Variants in TOR1A observed in about 807,000 individuals in gnomAD.
TOR1A encodes torsin family 1 member A, also known as torsin-1A.
A neutral mutation model predicts 31.4 loss-of-function variants in TOR1A; 18 were observed. The ratio of observed to expected loss-of-function variants is 0.57; its 90% CI spans 0.40 to 0.85. TOR1A has a LOEUF of 0.85. Among genes scored for constraint, TOR1A ranks in the 40% least tolerant of loss-of-function variants. The probability of loss-of-function intolerance (pLI) is 0.00; values close to 1 mark genes in which losing one functional copy is unlikely to be tolerated. For synonymous variants in TOR1A, 168 were observed against 165.9 expected, an observed-to-expected ratio of 1.01 and a Z score of -0.10; for missense variants, 375 against 416.4, an observed-to-expected ratio of 0.90 and a Z score of 0.87.
chr9:129,823,913 C>T lies in TOR1A; in HGVS notation c.173G>A (p.Arg58Gln). 1 of 1,589,912 alleles carries T rather than the reference C, an allele frequency of 6.3e-7. No homozygotes were observed. Among genetic ancestry groups the T allele is most frequent in the Non-Finnish European group, 8.5e-7 (1 of 1,169,622 alleles). Residue 58 changes from arginine to glutamine, a missense_variant, in exon 1 of 5, where the codon CGG becomes CAG. Physicochemically the swap from Arg to Gln is conservative, Grantham distance 43. Coordinates refer to ENST00000351698, the MANE Select transcript of TOR1A (RefSeq NM_000113.3). ...CAGCCCCCGCCCCAGCCTACCCTCC[C>T]GGCTAAGGCTCCGCTTCTGCCCGCA... ...ECCGQKRSLSREALQKDLDDN... is the reference protein window; with the variant it reads ...ECCGQKRSLSQEALQKDLDDN...
intron 4 of TOR1A, chr9:129,818,177 C>T: frequency 2.6e-6 from 1 of 379,756 alleles, no homozygotes; most frequent in South Asian, 2.1e-5. Flanking sequence ...ATGGTGTGCA[C>T]CTGTAATCCC....
chr9:129,822,498 T>C (rs533476492), intron 2 of TOR1A, 83 bp downstream of exon 2: 27 of 1,576,718 alleles, frequency 1.7e-5, no homozygotes, highest in Middle Eastern at 1.7e-4. Flanking sequence ...CATTTCAACA[T>C]AGAACTCCCA....
At chr9:129,823,324 G>A in intron 1 of TOR1A, 1 of 292,368 alleles carries the variant, frequency 3.4e-6, no homozygotes, top group Non-Finnish European at 6.7e-6. Context: ...TGGCTCCTCA[G>A]GTCTCCGACT....
intron 1 of TOR1A, chr9:129,823,274 T>TCCACC (rs1378752226): frequency 9.3e-6 from 3 of 323,056 alleles, no homozygotes; most frequent in Non-Finnish European, 1.8e-5. Flanking sequence ...TTACCACTGG[T>TCCACC]CCACCCCCAG....
In TOR1A at chr9:129,813,834, A is replaced by T; in HGVS notation, c.*138T>A. 2 of 1,343,676 alleles carry T rather than the reference A, an allele frequency of 1.5e-6. No individual in the cohort carries two copies. The highest frequency in any genetic ancestry group is 1.2e-5 in the South Asian group (1 of 82,724). The allele number at this position is 1,343,676 out of a possible 1,614,324, so 83.2% of individuals were successfully genotyped here. A position where few individuals can be genotyped will look rare whatever the true frequency, so the allele number is the denominator to read the frequency against. On this transcript the variant is annotated 3_prime_UTR_variant, in exon 5 of 5. Transcript: ENST00000351698. ...CCAGGGGGTGGAAACAATGCCAGGG[A>T]GAATTCCTGTCACATCAAACAGGAA...
At position 129,818,617 on chromosome 9, in the gene TOR1A, C is replaced by T; in HGVS notation, c.651G>A (p.Val217=). Residue 217 remains valine, a synonymous_variant, in exon 4 of 5, where the codon GTG becomes GTA. Coordinates refer to ENST00000351698, the MANE Select transcript of TOR1A (RefSeq NM_000113.3). ...TTCCACTCCTCCAGAAATCCAAAGC[C>T]ACATCTGTGATCCTTTCTGCTCCAG... is the stretch of plus-strand genomic sequence containing the variant. ...SNAGAERITD[V]ALDFWRSGKQ... 1 of 1,614,230 alleles carries T rather than the reference C, an allele frequency of 6.2e-7. No individual in the cohort carries two copies. The highest frequency in any genetic ancestry group is 8.5e-7 in the Non-Finnish European group (1 of 1,180,038).
chr9:129,813,489 G>A lies in TOR1A; in HGVS notation c.*483C>T, dbSNP rs1345418263. Reference sequence around the variant, plus strand: ...CCTGTGGAACAAATGCCATGCATGTGTGCTTGGGCTCATTTCCAGTAAAGA... The same window carrying A: ...CCTGTGGAACAAATGCCATGCATGTATGCTTGGGCTCATTTCCAGTAAAGA... On this transcript the variant is annotated 3_prime_UTR_variant, in exon 5 of 5. Transcript: ENST00000351698. The A allele has an allele frequency of 3.8e-6, 1 of 263,438 alleles. No homozygotes were observed. The highest frequency in any genetic ancestry group is 2.3e-5 in the African/African-American group (1 of 43,648). The allele number at this position is 263,438 out of a possible 1,614,324, so 16.3% of individuals were successfully genotyped here. A position where few individuals can be genotyped will look rare whatever the true frequency, so the allele number is the denominator to read the frequency against.
Position 129,823,900 on chromosome 9 carries a change from CAG to C in TOR1A, c.178+6_178+7del. ...CAGCCCCAGCCTCCAGCCCCCGCCC[CAG>C]CCTACCCTCCCGGCTAAGGCTCCGC... On this transcript the variant is annotated splice_donor_region_variant and intron_variant, in intron 1 of 4. Coordinates refer to ENST00000351698, the MANE Select transcript of TOR1A (RefSeq NM_000113.3). The C allele has an allele frequency of 1.9e-6, 3 of 1,568,712 alleles. No homozygotes were observed. Among genetic ancestry groups the C allele is most frequent in the Non-Finnish European group, 2.6e-6 (3 of 1,158,442 alleles).
At chr9:129,822,469 AC>A (rs1260417187) in intron 2 of TOR1A, 111 bp downstream of exon 2, 1 of 1,433,018 alleles carries the variant, frequency 7.0e-7, no homozygotes, top group Non-Finnish European at 9.7e-7. Flanking sequence ...TGAGACATGA[AC>A]CGTTTTCCGG....
At position 129,818,393 on chromosome 9, in the gene TOR1A, G is replaced by A. The variant is rs764345394; in HGVS notation, c.748+127C>T. Reference sequence around the variant, plus strand: ...AAAGATTCCCCTCATGACTCGGAAGGGGACTGAGAATCTGCATTTCTTTCT... The same window carrying A: ...AAAGATTCCCCTCATGACTCGGAAGAGGACTGAGAATCTGCATTTCTTTCT... On this transcript the variant is annotated intron_variant, in intron 4 of 4. Coordinates refer to ENST00000351698, the MANE Select transcript of TOR1A (RefSeq NM_000113.3). 5.6e-6 allele frequency: 8 copies of A among 1,435,120 alleles called. No homozygotes were observed. The Admixed American group carries it at 1.3e-4, about 24-fold the overall frequency. 88.9% of individuals were successfully genotyped at this position (1,435,120 alleles called of 1,614,324 possible).
intron 4 of TOR1A, among the ~76,000 whole-genome samples, chr9:129,817,701 A>G (rs2031074287): frequency 6.8e-6 from 1 of 147,568 alleles, no homozygotes; most frequent in Non-Finnish European, 1.5e-5. Context: ...TCCATCTCAA[A>G]AAAAAAAAAA....
chr9:129,824,031 G>A lies in TOR1A; in HGVS notation c.55C>T (p.Gln19Ter), dbSNP rs1326415278. ...CCCAGGCTGATGGGCTCCACCGCCTGCACCACGGACGGCGCCAGCAGCAGC... is the reference window on the plus strand; with the variant it reads ...CCCAGGCTGATGGGCTCCACCGCCTACACCACGGACGGCGCCAGCAGCAGC... ...GLLLLAPSVV[Q>*]AVEPISLGLA... Residue 19 changes from glutamine to a stop codon, truncating the protein, a stop_gained, in exon 1 of 5, where the codon CAG becomes TAG. Transcript: ENST00000351698. LOFTEE classifies it high-confidence loss of function. The A allele has an allele frequency of 6.2e-7, 1 of 1,607,886 alleles. No homozygotes were observed. The highest frequency in any genetic ancestry group is 2.2e-5 in the East Asian group (1 of 44,700).
chr9:129,819,978 T>TA (rs1012886310), intron 2 of TOR1A, among the ~76,000 whole-genome samples: 12 of 148,910 alleles, frequency 8.1e-5, no homozygotes, highest in African/African-American at 3.0e-4. Context: ...TAAAATAAAA[T>TA]AAATAAATAA....
chr9:129,821,284 C>CA (rs536143898), intron 2 of TOR1A: 165 of 152,272 alleles, frequency 1.1e-3, no homozygotes, highest in African/African-American at 3.3e-3. Context: ...TACTGCACTC[C>CA]AGCCTGGGTG....
chr9:129,822,458 C>T, intron 2 of TOR1A, 123 bp downstream of exon 2: 2 of 1,344,022 alleles, frequency 1.5e-6, no homozygotes, highest in South Asian at 1.2e-5. Context: ...CCAAGGGGAA[C>T]TGAGACATGA....
chr9:129,815,900 C>T (rs1036913663), intron 4 of TOR1A, among the ~76,000 whole-genome samples: 2 of 152,112 alleles, frequency 1.3e-5, no homozygotes, highest in African/African-American at 2.4e-5. Flanking sequence ...CCACCCCCAC[C>T]GCTTCCACGC....
rs1199638969 is a variant in TOR1A at position 129,823,999 on chromosome 9, G to A, written c.87C>T (p.Ala29=). The A allele has an allele frequency of 6.2e-7, 1 of 1,611,108 alleles. No individual in the cohort carries two copies. The highest frequency in any genetic ancestry group is 1.7e-4 in the Middle Eastern group (1 of 5,942). The change falls in exon 1 of 5, where the codon GCC becomes GCT. Residue 29 remains alanine, a synonymous_variant. Transcript: ENST00000351698. ...QAVEPISLGL[A]LAGVLTGYIY... is the part of the protein sequence containing the mutation. ...TGTAGCCGGTGAGGACGCCGGCCAG[G>A]GCCAGTCCCAGGCTGATGGGCTCCA...
At chr9:129,817,591 C>T (rs985511029) in intron 4 of TOR1A, among the ~76,000 whole-genome samples, 12 of 150,884 alleles carry the variant, frequency 8.0e-5, no homozygotes, top group African/African-American at 2.2e-4. Context: ...CCCAGCTACT[C>T]GGCAGGCTGA....
At chr9:129,823,139 C>T (rs1029993858) in intron 1 of TOR1A, among the ~76,000 whole-genome samples, 3 of 152,202 alleles carry the variant, frequency 2.0e-5, no homozygotes, top group Admixed American at 6.5e-5. Context: ...CTGCTCCTCC[C>T]ACCCCAAGGC....
Sources: allele counts gnomAD v4.1 joint callset (sites outside exome capture counted in the v4.1 genomes callset), GRCh38; gene constraint gnomAD v4.1.1; transcripts MANE v1.5; gene names NCBI Gene and HGNC (gene_info 2026-07-23, HGNC 2026-07-21).